GALNT9: variants seen among roughly 807,000 people sequenced by gnomAD.
GALNT9 encodes the protein GalNAc transferase 9.
A neutral mutation model predicts 63.1 loss-of-function variants in GALNT9; 47 were observed. The ratio of observed to expected loss-of-function variants is 0.75; its 90% CI spans 0.59 to 0.95. The LOEUF (loss-of-function observed/expected upper bound fraction) is 0.95. GALNT9 is among the 40% of genes least tolerant of loss of function. GALNT9 has a pLI of 0.00. For missense variants in GALNT9, 829 were observed against 874.8 expected (o/e 0.95, Z 0.66); for synonymous variants, 396 against 365.7 (o/e 1.08, Z -0.94).
intron 4 of GALNT9, among the ~76,000 whole-genome samples, chr12:132,260,063 T>TGGCCCGGGTGC (rs1879316738): frequency 2.6e-5 from 4 of 151,788 alleles, no homozygotes; most frequent in Non-Finnish European, 2.9e-5. Context: ...CCCAGTGCAC[T>TGGCCCGGGTGC]ATGGACCCCG....
At chr12:132,263,080 C>A (rs1555239927) in intron 2 of GALNT9, among the ~76,000 whole-genome samples, 1 of 152,114 alleles carries the variant, frequency 6.6e-6, no homozygotes, top group Admixed American at 6.5e-5. Context: ...CCAACCCCAG[C>A]CATCAGCTTC....
chr12:132,287,536 G>A (rs114231234), intron 1 of GALNT9, among the ~76,000 whole-genome samples: 1,679 of 152,110 alleles, frequency 0.011, 26 homozygotes, highest in African/African-American at 0.039. Context: ...GCTCACACAC[G>A]TGACGCCAAG....
chr12:132,309,748 A>G (rs28520797), intron 1 of GALNT9, among the ~76,000 whole-genome samples: 73,697 of 152,038 alleles, frequency 0.48, 18,934 homozygotes, highest in African/African-American at 0.67. Context: ...GTAAGTCTCC[A>G]TTGTGTACAG....
At chr12:132,225,439 ACAC>A (rs1442913835) in intron 6 of GALNT9, among the ~76,000 whole-genome samples, 1 of 146,934 alleles carries the variant, frequency 6.8e-6, no homozygotes, top group Non-Finnish European at 1.5e-5. Flanking sequence ...CCCCCCACAC[ACAC>A]ACCACACAAC....
intron 7 of GALNT9, 74 bp downstream of exon 7, chr12:132,203,431 C>T: frequency 6.8e-7 from 1 of 1,472,690 alleles, no homozygotes; most frequent in Non-Finnish European, 9.3e-7. Flanking sequence ...GGGCCTCCCT[C>T]CGGCCCAGCC....
At position 132,265,150 on chromosome 12, in the gene GALNT9, G is replaced by A. The variant is rs1163686188; in HGVS notation, c.420-2525C>T. Among the ~76,000 whole-genome samples the A allele has an allele frequency of 6.6e-6, 1 of 152,202 alleles. No homozygotes were observed. The highest frequency in any genetic ancestry group is 1.5e-5 in the Non-Finnish European group (1 of 68,044). ...CCAGCCCCAAGAAAAAGATAAAGGA[G>A]CGCAAAGATTTTCCAACAAGTCCCA... On this transcript the variant is annotated intron_variant, in intron 2 of 10. Coordinates refer to ENST00000328957, the MANE Select transcript of GALNT9 (RefSeq NM_001122636.2). This position sits in a 1 kb window ranked among gnomAD's most constrained non-coding sequence, Gnocchi z 5.3.
At chr12:132,241,461 T>C (rs1394045892) in intron 6 of GALNT9, among the ~76,000 whole-genome samples, 1 of 107,830 alleles carries the variant, frequency 9.3e-6, no homozygotes, top group Non-Finnish European at 2.0e-5. Context: ...GCCCTCCCTA[T>C]ACCCATTACA....
At chr12:132,270,825 G>A (rs556415470) in intron 2 of GALNT9, among the ~76,000 whole-genome samples, 6 of 152,228 alleles carry the variant, frequency 3.9e-5, no homozygotes, top group East Asian at 1.9e-4. Context: ...GAGGAAGAGC[G>A]GGAGAAAAGA....
chr12:132,272,111 G>A (rs28592202), intron 2 of GALNT9, among the ~76,000 whole-genome samples: 17 of 152,124 alleles, frequency 1.1e-4, no homozygotes, highest in Non-Finnish European at 2.2e-4. Context: ...GCCCCAGAGC[G>A]GTCGGGGGAC....
intron 1 of GALNT9, among the ~76,000 whole-genome samples, chr12:132,304,370 C>T (rs1881469617): frequency 1.6e-5 from 2 of 122,682 alleles, no homozygotes; most frequent in African/African-American, 3.4e-5. Context: ...GGCACAGCCT[C>T]ACCCGGGCAC....
rs1555242587 is a variant in GALNT9 at position 132,290,324 on chromosome 12, C to T, written c.239-3894G>A. On this transcript the variant is annotated intron_variant, in intron 1 of 10. Coordinates refer to ENST00000328957, the MANE Select transcript of GALNT9 (RefSeq NM_001122636.2). ...GGCCTCGCCATGCAGAGCGGACCGG[C>T]CAAGCCACGGACCCTCAGTGAGAGG... 2.0e-5 allele frequency among the ~76,000 whole-genome samples: 3 copies of T among 152,168 alleles called. 1 individual carries two copies. Among genetic ancestry groups the T allele is most frequent in the Non-Finnish European group, 4.4e-5 (3 of 68,014 alleles).
chr12:132,213,889 C>T (rs976055656), intron 6 of GALNT9, among the ~76,000 whole-genome samples: 1 of 152,230 alleles, frequency 6.6e-6, no homozygotes, highest in African/African-American at 2.4e-5. Context: ...GCTGACAGTC[C>T]AGAACAGCCC....
In GALNT9 at chr12:132,267,009, G is replaced by A. The variant is rs957733422; in HGVS notation, c.420-4384C>T. Among the ~76,000 whole-genome samples, 9 of 152,328 alleles carry A rather than the reference G, an allele frequency of 5.9e-5. No individual in the cohort carries two copies. The East Asian group carries it at 1.4e-3, about 23-fold the overall frequency. On this transcript the variant is annotated intron_variant, in intron 2 of 10. Coordinates refer to ENST00000328957, the MANE Select transcript of GALNT9 (RefSeq NM_001122636.2). ...CAGACGCAGCCTCCACTCAGCGAGC[G>A]AAAGGGGCAGCCCGAGGTGTGATCC...
chr12:132,227,718 G>A (rs1373193806), intron 6 of GALNT9, among the ~76,000 whole-genome samples: 1 of 152,154 alleles, frequency 6.6e-6, no homozygotes, highest in African/African-American at 2.4e-5. Flanking sequence ...CAGGGGTGTA[G>A]TCGTATTGTC....
chr12:132,267,885 TCACACG>T (rs1879694029), intron 2 of GALNT9, among the ~76,000 whole-genome samples: 6 of 124,632 alleles, frequency 4.8e-5, no homozygotes, highest in Admixed American at 8.4e-5. Context: ...CCACATGCAC[TCACACG>T]CACACACGCA....
chr12:132,288,497 A>G (rs1753501578), intron 1 of GALNT9, among the ~76,000 whole-genome samples: 1 of 152,262 alleles, frequency 6.6e-6, no homozygotes, highest in African/African-American at 2.4e-5. Flanking sequence ...TCCCAGAGGC[A>G]GGCACAGCAG....
intron 6 of GALNT9, among the ~76,000 whole-genome samples, chr12:132,225,276 C>G (rs1289403205): frequency 7.4e-6 from 1 of 135,486 alleles, no homozygotes; most frequent in Non-Finnish European, 1.6e-5. Context: ...ACCACACAAC[C>G]CACCCCACAC....
chr12:132,303,188 C>T (rs948541517), intron 1 of GALNT9, among the ~76,000 whole-genome samples: 5 of 152,010 alleles, frequency 3.3e-5, no homozygotes, highest in Admixed American at 3.3e-4. Context: ...GACCCTCCAC[C>T]GCCGGGATGC....
At chr12:132,305,421 A>G (rs1555244532) in intron 1 of GALNT9, among the ~76,000 whole-genome samples, 4 of 67,110 alleles carry the variant, frequency 6.0e-5, no homozygotes, top group Admixed American at 1.5e-4. Context: ...ACCCGGGCAC[A>G]CCCTCACCCG....
Sources: gnomAD v4.1 joint callset for allele counts (sites outside exome capture counted in the v4.1 genomes callset) on GRCh38, gnomAD v4.1.1 for gene constraint, Gnocchi (gnomAD v3.1) non-coding constraint, MANE v1.5 for transcripts, NCBI Gene and HGNC (gene_info 2026-07-23, HGNC 2026-07-21) for gene names.